The following ANO10 variants were observed in gnomAD, a reference collection of about 807,000 sequenced individuals.
The protein encoded by ANO10 is anoctamin 10.
ANO10 carries 77 observed loss-of-function variants against 74.7 expected under a neutral mutation model. The observed-to-expected ratio is 1.03, with a 90% CI of 0.86 to 1.25. The LOEUF is 1.25. ANO10 is among the 50% of genes most tolerant of loss of function. ANO10 has a pLI of 0.00. For synonymous variants in ANO10, 279 were observed against 284.9 expected, an observed-to-expected ratio of 0.98 and a Z score of 0.21; for missense variants, 721 against 778.1, an observed-to-expected ratio of 0.93 and a Z score of 0.87.
chr3:43,691,083 C>G, intron 1 of ANO10: 4 of 1,506,200 alleles, frequency 2.7e-6, no homozygotes, highest in Non-Finnish European at 3.6e-6. Flanking sequence ...CCGGCGCGCA[C>G]CCTCCGCGCG....
At chr3:43,647,800 A>G (rs2083742636) in intron 1 of ANO10, among the ~76,000 whole-genome samples, 1 of 152,220 alleles carries the variant, frequency 6.6e-6, no homozygotes, top group Admixed American at 6.5e-5. Context: ...AGTGTGACAT[A>G]GATAGACTAA....
At chr3:43,575,221 G>A (rs1559726205) in intron 6 of ANO10, among the ~76,000 whole-genome samples, 1 of 151,990 alleles carries the variant, frequency 6.6e-6, no homozygotes, top group Non-Finnish European at 1.5e-5. Flanking sequence ...AATAAATAAA[G>A]TTTTCTGTAA....
intron 11 of ANO10, among the ~76,000 whole-genome samples, chr3:43,436,786 A>G (rs936468649): frequency 2.0e-5 from 3 of 152,210 alleles, no homozygotes; most frequent in Non-Finnish European, 2.9e-5. Context: ...TTTATTTTGC[A>G]AAAACTAGAA....
In ANO10 at chr3:43,432,674, TG is replaced by T. The variant is rs1386923575; in HGVS notation, c.1850del (p.Pro617HisfsTer6). 2.5e-6 allele frequency: 4 copies of T among 1,613,992 alleles called. No individual in the cohort carries two copies. Among genetic ancestry groups the T allele is most frequent in the Non-Finnish European group, 3.4e-6 (4 of 1,179,934 alleles). On this transcript the variant is annotated frameshift_variant, in exon 12 of 13. Coordinates refer to ENST00000292246, the MANE Select transcript of ANO10 (RefSeq NM_018075.5). LOFTEE classifies it high-confidence loss of function. ...FILAFAIPDK[P>X]RHIQMKLARL... is the part of the protein sequence containing the mutation. Reference sequence around the variant, plus strand: ...TGGCTAGTTTCATCTGGATATGCCGTGGCTTATCAGGTATGGCAAATGCAAG... The same window carrying T: ...TGGCTAGTTTCATCTGGATATGCCGTGCTTATCAGGTATGGCAAATGCAAG...
intron 11 of ANO10, among the ~76,000 whole-genome samples, chr3:43,514,769 C>CA (rs545196700): frequency 7.9e-4 from 120 of 152,208 alleles, no homozygotes; most frequent in African/African-American, 2.6e-3. Flanking sequence ...TCAAATCAGA[C>CA]AAAATGTTTT....
chr3:43,398,758 T>C (rs2092427065), intron 12 of ANO10, among the ~76,000 whole-genome samples: 1 of 152,222 alleles, frequency 6.6e-6, no homozygotes, highest in Admixed American at 6.5e-5. Context: ...TCTTTGAAAT[T>C]GCATGTCCCT....
At chr3:43,590,122 T>C (rs1278848977) in intron 4 of ANO10, among the ~76,000 whole-genome samples, 1 of 152,174 alleles carries the variant, frequency 6.6e-6, no homozygotes, top group East Asian at 1.9e-4. Context: ...AACACAAAAA[T>C]TGTAAGATGC....
chr3:43,459,455 G>A (rs2075285561), intron 11 of ANO10, among the ~76,000 whole-genome samples: 1 of 152,212 alleles, frequency 6.6e-6, no homozygotes, highest in South Asian at 2.1e-4. Context: ...GGGAGGGCTT[G>A]CTGGCAATGA....
chr3:43,657,788 G>A (rs1022517823), intron 1 of ANO10, among the ~76,000 whole-genome samples: 1 of 152,124 alleles, frequency 6.6e-6, no homozygotes, highest in Admixed American at 6.6e-5. Flanking sequence ...ATGGCCAGAG[G>A]AACTTACTAC....
intron 12 of ANO10, among the ~76,000 whole-genome samples, chr3:43,407,910 A>G (rs893179523): frequency 2.6e-5 from 4 of 152,244 alleles, no homozygotes; most frequent in Admixed American, 2.0e-4. Context: ...GCACAGCCAC[A>G]TGGAGGGGCT....
intron 11 of ANO10, among the ~76,000 whole-genome samples, chr3:43,499,868 A>G (rs1049749860): frequency 2.0e-5 from 3 of 149,752 alleles, no homozygotes; most frequent in Non-Finnish European, 3.0e-5. Flanking sequence ...CACTCACTCT[A>G]TCGCCCATGC....
intron 12 of ANO10, chr3:43,424,741 T>C (rs2092872927): frequency 6.6e-6 from 1 of 152,224 alleles, no homozygotes; most frequent in South Asian, 2.1e-4. Context: ...ATTTGAGTAA[T>C]AATAAAACTG....
At chr3:43,553,974 T>C (rs1273056921) in intron 10 of ANO10, among the ~76,000 whole-genome samples, 2 of 152,218 alleles carry the variant, frequency 1.3e-5, no homozygotes, top group African/African-American at 4.8e-5. Context: ...TTCTCTTTTA[T>C]ATCTTCCATC....
chr3:43,661,360 G>T (rs530546519), intron 1 of ANO10, among the ~76,000 whole-genome samples: 1 of 152,346 alleles, frequency 6.6e-6, no homozygotes, highest in East Asian at 1.9e-4. Context: ...AATGCTGAAA[G>T]ATTTTGTCAT....
At position 43,422,278 on chromosome 3, in the gene ANO10, G is replaced by A. The variant is rs376092925; in HGVS notation, c.1914+10333C>T. On this transcript the variant is annotated intron_variant, in intron 12 of 12. Transcript: ENST00000292246. ...ATTACAGGTGCGTGCCACCATGCCCGGCTAATTTTTGTATTTTCAGTAGAG... is the reference window on the plus strand; with the variant it reads ...ATTACAGGTGCGTGCCACCATGCCCAGCTAATTTTTGTATTTTCAGTAGAG... Among the ~76,000 whole-genome samples, 178 of 151,960 alleles carry A rather than the reference G, an allele frequency of 1.2e-3. 1 individual carries two copies. The highest frequency in any genetic ancestry group is 4.0e-3 in the African/African-American group (166 of 41,416).
chr3:43,506,176 G>A (rs551386548), intron 11 of ANO10, among the ~76,000 whole-genome samples: 24 of 152,198 alleles, frequency 1.6e-4, no homozygotes, highest in Admixed American at 1.3e-3. Context: ...CATTCATAAC[G>A]TCATCCTTGT....
At chr3:43,684,714 A>G (rs1213504530) in intron 1 of ANO10, among the ~76,000 whole-genome samples, 2 of 152,348 alleles carry the variant, frequency 1.3e-5, no homozygotes, top group Non-Finnish European at 2.9e-5. Context: ...GGATTAAGAA[A>G]ATGTGGCACA....
chr3:43,429,298 C>T (rs1433663872), intron 12 of ANO10, among the ~76,000 whole-genome samples: 2 of 152,012 alleles, frequency 1.3e-5, no homozygotes, highest in African/African-American at 4.8e-5. Flanking sequence ...GAATCCTTTC[C>T]TTTTTAGACA....
At chr3:43,607,748 A>G (rs1166333337) in intron 1 of ANO10, among the ~76,000 whole-genome samples, 2 of 152,232 alleles carry the variant, frequency 1.3e-5, no homozygotes, top group Non-Finnish European at 2.9e-5. Flanking sequence ...GGACTTTAAA[A>G]TAATGATCAT....
Sources: allele counts gnomAD v4.1 joint callset (sites outside exome capture counted in the v4.1 genomes callset), GRCh38; gene constraint gnomAD v4.1.1; transcripts MANE v1.5; gene names NCBI Gene and HGNC (gene_info 2026-07-23, HGNC 2026-07-21).